Variants in C18orf54 observed in about 807,000 individuals in gnomAD.
The protein encoded by C18orf54 is chromosome 18 open reading frame 54, also known as lung adenoma susceptibility protein 2.
Under a neutral mutation model 49.3 loss-of-function variants are expected in C18orf54, and 49 were observed. That is an observed-to-expected ratio of 0.99 (90% CI 0.79 to 1.26). C18orf54 has a LOEUF of 1.26. Among genes scored for constraint, C18orf54 ranks in the 50% most tolerant of loss-of-function variants. The probability of loss-of-function intolerance (pLI) is 0.00; values close to 1 mark genes in which losing one functional copy is unlikely to be tolerated. For missense variants in C18orf54, 687 were observed against 620.6 expected, an observed-to-expected ratio of 1.11 and a Z score of -1.14; for synonymous variants, 211 against 216.6, an observed-to-expected ratio of 0.97 and a Z score of 0.23.
Position 54,361,623 on chromosome 18 carries a change from A to C in C18orf54, c.284-20A>C. Reference sequence around the variant, plus strand: ...TAAAATATTTGTATGTAATAAACAAAACTGTTCTTCGTTTTTCAGCTTTTG... The same window carrying C: ...TAAAATATTTGTATGTAATAAACAACACTGTTCTTCGTTTTTCAGCTTTTG... On this transcript the variant is annotated intron_variant, in intron 3 of 8. Transcript: ENST00000620105. The C allele has an allele frequency of 1.3e-6, 2 of 1,559,686 alleles. No individual in the cohort carries two copies. Among genetic ancestry groups the C allele is most frequent in the Non-Finnish European group, 1.7e-6 (2 of 1,155,412 alleles).
intron 6 of C18orf54, 122 bp downstream of exon 6, chr18:54,365,943 C>A: frequency 2.7e-6 from 1 of 373,948 alleles, no homozygotes. Flanking sequence ...CTCTCAAATA[C>A]CCATCATTCC....
At chr18:54,375,299 C>A (rs1000439586) in intron 8 of C18orf54, among the ~76,000 whole-genome samples, 2 of 151,410 alleles carry the variant, frequency 1.3e-5, no homozygotes, top group African/African-American at 4.9e-5. Context: ...TAATACAGAT[C>A]GGAGAATAGG....
At chr18:54,362,720 C>CT (rs1369803063) in intron 4 of C18orf54, 51 bp from the exon 5 acceptor site, 15 of 1,503,970 alleles carry the variant, frequency 1.0e-5, no homozygotes, top group Non-Finnish European at 1.3e-5. Context: ...TTTTGCTATG[C>CT]TTTACATTAA....
At chr18:54,370,335 TGTA>T (rs1453773927) in intron 6 of C18orf54, among the ~76,000 whole-genome samples, 4 of 152,220 alleles carry the variant, frequency 2.6e-5, no homozygotes, top group Admixed American at 1.3e-4. Context: ...CTGTTGACAT[TGTA>T]GTATTTATTA....
intron 5 of C18orf54, among the ~76,000 whole-genome samples, chr18:54,364,701 A>C: frequency 1.5e-5 from 1 of 67,428 alleles, no homozygotes; most frequent in African/African-American, 9.6e-5. Flanking sequence ...ACCTCTGTGT[A>C]CTCTTCAACA....
At position 54,359,476 on chromosome 18, in the gene C18orf54, G is replaced by A. The variant is rs538403204; in HGVS notation, c.-47+606G>A. Among the ~76,000 whole-genome samples, 23 of 152,276 alleles carry A rather than the reference G, an allele frequency of 1.5e-4. No homozygotes were observed. In the South Asian group the frequency reaches 4.8e-3, roughly 32 times the overall value. On this transcript the variant is annotated intron_variant, in intron 2 of 8. Transcript: ENST00000620105. The stretch of plus-strand genomic sequence containing the variant: ...GCATGCTCTAACGCTGTGGTAGGAT[G>A]ATGTTTTACTTTGTCTCTTATTTAA...
At chr18:54,366,376 TATG>T (rs2089384776) in intron 6 of C18orf54, among the ~76,000 whole-genome samples, 2 of 152,136 alleles carry the variant, frequency 1.3e-5, no homozygotes, top group South Asian at 4.1e-4. Context: ...AAGTGAGAAC[TATG>T]ATATTTATCT....
Position 54,361,713 on chromosome 18 carries a change from A to T in C18orf54, c.354A>T (p.Ile118=). ...GTAGAAGACACACCGTTAATGACAT[A>T]GACTCCATGAGCCTAACAACTGATG... The part of the protein sequence containing the change: ...ISCRRHTVND[I]DSMSLTTDDL... Residue 118 remains isoleucine, a synonymous_variant, in exon 4 of 9, where the codon ATA becomes ATT. Coordinates refer to ENST00000620105, the MANE Select transcript of C18orf54 (RefSeq NM_001288980.2). 1.2e-6 allele frequency: 2 copies of T among 1,614,024 alleles called. No homozygotes were observed. The highest frequency in any genetic ancestry group is 8.5e-7 in the Non-Finnish European group (1 of 1,179,876).
At chr18:54,363,089 G>GTAT (rs1464206359) in intron 5 of C18orf54, among the ~76,000 whole-genome samples, 168 bp downstream of exon 5, 1 of 152,138 alleles carries the variant, frequency 6.6e-6, no homozygotes, top group African/African-American at 2.4e-5. Context: ...CCACAAGATG[G>GTAT]TATAATGGTT....
Position 54,380,104 on chromosome 18 carries a change from C to A in C18orf54, c.*1858C>A, listed in dbSNP as rs1293939830. On this transcript the variant is annotated 3_prime_UTR_variant, in exon 9 of 9. Coordinates refer to ENST00000620105, the MANE Select transcript of C18orf54 (RefSeq NM_001288980.2). ...ATTTTAGCAAAATGATTCATTCCAA[C>A]CTTCTTATAAGAAATATCTAGGAGA... 4.6e-5 allele frequency: 7 copies of A among 152,094 alleles called. No homozygotes were observed. In the East Asian group the frequency reaches 1.3e-3, roughly 29 times the overall value. 9.4% of individuals were successfully genotyped at this position (152,094 alleles called of 1,614,324 possible). A position where few individuals can be genotyped will look rare whatever the true frequency, so the allele number is the denominator to read the frequency against.
rs1398252511 is a variant in C18orf54 at position 54,378,181 on chromosome 18, C to T, written c.1537C>T (p.His513Tyr). The T allele has an allele frequency of 5.0e-6, 8 of 1,612,830 alleles. No homozygotes were observed. In the South Asian group the frequency reaches 8.8e-5, roughly 18 times the overall value. ...TTATACTTTTTAATGAAGGGCTTTG[C>T]ACCATTTATCTCGCCTGAGAGACCT... ...PITRSLQKALHHLSRLRDLVD... is the reference protein window; with the variant it reads ...PITRSLQKALYHLSRLRDLVD... The change falls in exon 9 of 9, where the codon CAC becomes TAC. Residue 513 changes from histidine to tyrosine, a missense_variant. His to Tyr is a moderately conservative substitution (Grantham distance 83, BLOSUM62 2). Coordinates refer to ENST00000620105, the MANE Select transcript of C18orf54 (RefSeq NM_001288980.2).
Position 54,378,321 on chromosome 18 carries a change from G to T in C18orf54, c.*75G>T, listed in dbSNP as rs2089611280. 3 of 1,283,422 alleles carry T rather than the reference G, an allele frequency of 2.3e-6. No individual in the cohort carries two copies. The highest frequency in any genetic ancestry group is 3.3e-6 in the Non-Finnish European group (3 of 896,670). 79.5% of individuals were successfully genotyped at this position (1,283,422 alleles called of 1,614,324 possible). A position where few individuals can be genotyped will look rare whatever the true frequency, so the allele number is the denominator to read the frequency against. On this transcript the variant is annotated 3_prime_UTR_variant, in exon 9 of 9. Coordinates refer to ENST00000620105, the MANE Select transcript of C18orf54 (RefSeq NM_001288980.2). Reference sequence around the variant, plus strand: ...AGGCATTTTTTCTATTACTTAAACTGACAAAGTAAATATAAGCCATACATT... The same window carrying T: ...AGGCATTTTTTCTATTACTTAAACTTACAAAGTAAATATAAGCCATACATT...
chr18:54,366,083 T>A (rs1425395706), intron 6 of C18orf54, among the ~76,000 whole-genome samples: 2 of 151,828 alleles, frequency 1.3e-5, no homozygotes, highest in South Asian at 4.1e-4. Flanking sequence ...CAAATCAGGG[T>A]GATTTGCATA....
Position 54,372,551 on chromosome 18 carries a change from G to A in C18orf54, c.1412G>A (p.Arg471His), listed in dbSNP as rs374307605. ...TTTAACCTTCAAGCAGTACAAGAAC[G>A]TTTTAATCAAAATAAGACCACAGAT... The part of the protein sequence containing the change: ...MLFNLQAVQE[R>H]FNQNKTTDPK... Residue 471 changes from arginine to histidine, a missense_variant, in exon 7 of 9, where the codon CGT (arginine) becomes CAT (histidine). Coordinates refer to ENST00000620105, the MANE Select transcript of C18orf54 (RefSeq NM_001288980.2). 3.3e-5 allele frequency: 53 copies of A among 1,609,050 alleles called. No individual in the cohort carries two copies. Among genetic ancestry groups the A allele is most frequent in the Admixed American group, 1.3e-4 (8 of 59,754 alleles).
At chr18:54,370,109 T>C (rs2089459847) in intron 6 of C18orf54, among the ~76,000 whole-genome samples, 1 of 152,010 alleles carries the variant, frequency 6.6e-6, no homozygotes, top group Non-Finnish European at 1.5e-5. Context: ...ACCCTGTCTC[T>C]ACTAAAAAAT....
chr18:54,368,030 G>A (rs2089417637), intron 6 of C18orf54, among the ~76,000 whole-genome samples: 5 of 151,542 alleles, frequency 3.3e-5, no homozygotes, highest in Admixed American at 2.6e-4. Flanking sequence ...TTTCTGTTTG[G>A]TTCTTTTTTT....
intron 8 of C18orf54, 105 bp from the exon 9 acceptor site, chr18:54,378,069 C>A: frequency 3.0e-6 from 2 of 656,334 alleles, no homozygotes; most frequent in Non-Finnish European, 2.4e-6. Context: ...CTTCTCATAC[C>A]AATTTTGAAG....
intron 8 of C18orf54, among the ~76,000 whole-genome samples, chr18:54,374,727 T>C (rs571782425): frequency 6.6e-6 from 1 of 152,044 alleles, no homozygotes; most frequent in South Asian, 2.1e-4. Flanking sequence ...TTTTCTTAGT[T>C]ACAGTGTCTT....
At position 54,380,547 on chromosome 18, in the gene C18orf54, CT is replaced by C. The variant is rs1409664396; in HGVS notation, c.*2304del. 2.0e-5 allele frequency: 3 copies of C among 152,010 alleles called. No homozygotes were observed. The highest frequency in any genetic ancestry group is 4.4e-5 in the Non-Finnish European group (3 of 67,942). 9.4% of individuals were successfully genotyped at this position (152,010 alleles called of 1,614,324 possible). ...ATTGTCTTTACTATCAAGAACTCTA[CT>C]TTCAGTTGTTTCTCAGACAGTTAAT... On this transcript the variant is annotated 3_prime_UTR_variant, in exon 9 of 9. Coordinates refer to ENST00000620105, the MANE Select transcript of C18orf54 (RefSeq NM_001288980.2).
Sources: gnomAD v4.1 joint callset for allele counts (sites outside exome capture counted in the v4.1 genomes callset) on GRCh38, gnomAD v4.1.1 for gene constraint, MANE v1.5 for transcripts, NCBI Gene and HGNC (gene_info 2026-07-23, HGNC 2026-07-21) for gene names.